HEPH: variants seen among roughly 807,000 people sequenced by gnomAD.
HEPH encodes the protein hephaestin.
A neutral mutation model predicts 80.8 loss-of-function variants in HEPH; 69 were observed. The ratio of observed to expected loss-of-function variants is 0.85; its 90% CI spans 0.70 to 1.04. HEPH has a LOEUF of 1.04. HEPH is among the 50% of genes least tolerant of loss of function. HEPH has a pLI of 0.00. For missense variants in HEPH, 1,115 were observed against 891.3 expected, an observed-to-expected ratio of 1.25 and a Z score of -3.20; for synonymous variants, 431 against 322.8, an observed-to-expected ratio of 1.34 and a Z score of -3.60.
chrX:66,186,972 T>G (rs761498608), intron 4 of HEPH, among the ~76,000 whole-genome samples: 1 of 111,477 alleles, frequency 9.0e-6, no homozygotes, highest in Non-Finnish European at 1.9e-5. Context: ...TTGAAGACCT[T>G]GTCTTCAGAC....
At chrX:66,265,202 C>T (rs1274462888) in intron 20 of HEPH, among the ~76,000 whole-genome samples, 1 of 110,761 alleles carries the variant, frequency 9.0e-6, no homozygotes, top group Non-Finnish European at 1.9e-5. Context: ...TGTTGAATTA[C>T]ATTGATTGAT....
chrX:66,208,338 G>T, intron 15 of HEPH, 92 bp downstream of exon 15: 1 of 882,029 alleles, frequency 1.1e-6, no homozygotes, highest in Non-Finnish European at 1.6e-6. Flanking sequence ...ATGTACTTCA[G>T]ACTGGAGTGA....
At chrX:66,205,727 C>T (rs1310774738) in intron 13 of HEPH, among the ~76,000 whole-genome samples, 1 of 110,283 alleles carries the variant, frequency 9.1e-6, no homozygotes, top group Non-Finnish European at 1.9e-5. Context: ...TCCCAAGTAG[C>T]TGGGACTACA....
chrX:66,198,045 C>T (rs188334931), intron 10 of HEPH, 151 bp downstream of exon 10: 9 of 477,476 alleles, frequency 1.9e-5, no homozygotes, highest in African/African-American at 1.4e-4. Context: ...TAGTTGGTGA[C>T]CTCATACTAT....
intron 4 of HEPH, among the ~76,000 whole-genome samples, chrX:66,179,157 T>G (rs1409501148): frequency 8.9e-6 from 1 of 112,375 alleles, no homozygotes; most frequent in African/African-American, 3.2e-5. Flanking sequence ...TTCAGCTTTC[T>G]ACATATGGCT....
At chrX:66,205,608 T>G (rs1481841081) in intron 13 of HEPH, among the ~76,000 whole-genome samples, 1 of 108,792 alleles carries the variant, frequency 9.2e-6, no homozygotes, top group Non-Finnish European at 1.9e-5. Context: ...TGCTTTTTTT[T>G]TTTTTGAGAT....
chrX:66,172,291 A>T, intron 2 of HEPH, 64 bp from the exon 3 acceptor site: 1 of 1,098,353 alleles, frequency 9.1e-7, no homozygotes, highest in Non-Finnish European at 1.2e-6. Flanking sequence ...TATCCTCTGG[A>T]AAAGGAACCT....
At chrX:66,249,631 TCA>T (rs1269340980) in intron 15 of HEPH, among the ~76,000 whole-genome samples, 1 of 111,633 alleles carries the variant, frequency 9.0e-6, no homozygotes, top group Non-Finnish European at 1.9e-5. Context: ...GTTCAGCACA[TCA>T]CAGTCTAAGA....
At chrX:66,203,325 A>T in intron 12 of HEPH, 39 bp from the exon 13 acceptor site, 2 of 1,141,704 alleles carry the variant, frequency 1.8e-6, no homozygotes, top group South Asian at 1.8e-5. Flanking sequence ...CTACCCAGGG[A>T]TGTTCTGAGT....
At chrX:66,268,320 C>T (rs774229780), downstream of HEPH, 38 of 112,260 alleles carry the variant, frequency 3.4e-4, no homozygotes, top group African/African-American at 1.2e-3. Context: ...AGCTGGTGTT[C>T]AGTTACGATA....
intron 15 of HEPH, among the ~76,000 whole-genome samples, chrX:66,227,753 A>T (rs1424028737): frequency 1.8e-5 from 2 of 111,122 alleles, no homozygotes; most frequent in African/African-American, 3.3e-5. Context: ...CCATTGCTCT[A>T]TGTGCCTTTT....
upstream of HEPH, chrX:66,164,229 GC>G: frequency 1.3e-6 from 1 of 754,153 alleles, no homozygotes; most frequent in Non-Finnish European, 1.6e-6. Context: ...ATCAAACCAG[GC>G]CCCAGAGGAA....
chrX:66,168,049 T>A (rs920382062), intron 1 of HEPH, among the ~76,000 whole-genome samples: 8 of 111,885 alleles, frequency 7.2e-5, no homozygotes, highest in Admixed American at 1.9e-4. Context: ...TCAAGGAGTG[T>A]GTAGTCCAAT....
At position 66,198,676 on chromosome X, in the gene HEPH, C is replaced by A. The variant is rs766021732; in HGVS notation, c.1714-202C>A. On this transcript the variant is annotated intron_variant, in intron 10 of 20. Transcript: ENST00000343002. ...TACAGTCTTCCCTGTCAGGCTTGTACTTTTATTGTGACATTCTTCTCTCAT... is the reference window on the plus strand; with the variant it reads ...TACAGTCTTCCCTGTCAGGCTTGTAATTTTATTGTGACATTCTTCTCTCAT... 1.4e-4 allele frequency among the ~76,000 whole-genome samples: 16 copies of A among 111,243 alleles called. No individual in the cohort carries two copies. The East Asian group carries it at 4.5e-3, about 31-fold the overall frequency.
At chrX:66,208,631 C>CATATATATATATATATATAT (rs56924616) in intron 15 of HEPH, among the ~76,000 whole-genome samples, 1 of 35,102 alleles carries the variant, frequency 2.8e-5, no homozygotes, top group Non-Finnish European at 6.1e-5. Flanking sequence ...TATATACATA[C>CATATATATATATATATATAT]ATATATATAT....
chrX:66,232,493 A>G (rs1457138507), intron 15 of HEPH, among the ~76,000 whole-genome samples: 1 of 111,762 alleles, frequency 8.9e-6, no homozygotes, highest in East Asian at 2.8e-4. Flanking sequence ...CAGAATGCTG[A>G]CATAAGCAAT....
chrX:66,231,879 G>GT (rs2090160309), intron 15 of HEPH, among the ~76,000 whole-genome samples: 1 of 109,438 alleles, frequency 9.1e-6, no homozygotes, highest in Middle Eastern at 4.7e-3. Context: ...AATGCTTCCA[G>GT]TTTTTTCCCA....
chrX:66,210,772 G>A (rs1415807688), intron 15 of HEPH, among the ~76,000 whole-genome samples: 1 of 111,129 alleles, frequency 9.0e-6, no homozygotes, highest in African/African-American at 3.3e-5. Context: ...TATTTTGATT[G>A]AATGGGTGTT....
At chrX:66,266,393 G>A (rs749499651) in intron 20 of HEPH, 47 bp from the exon 21 acceptor site, 1 of 1,001,665 alleles carries the variant, frequency 1.0e-6, no homozygotes, top group South Asian at 2.0e-5. Context: ...TTACCTTTTA[G>A]AGTACTCCCC....
Sources: gnomAD v4.1 joint callset for allele counts (sites outside exome capture counted in the v4.1 genomes callset) on GRCh38, gnomAD v4.1.1 for gene constraint, MANE v1.5 for transcripts, NCBI Gene and HGNC (gene_info 2026-07-23, HGNC 2026-07-21) for gene names.